The following TENM2 variants were observed in gnomAD, a reference collection of about 807,000 sequenced individuals.
TENM2 encodes the protein teneurin transmembrane protein 2.
TENM2 carries 52 observed loss-of-function variants against 245.2 expected under a neutral mutation model. The ratio of observed to expected loss-of-function variants is 0.21; its 90% CI spans 0.17 to 0.27. TENM2 has a LOEUF of 0.27. Among genes scored for constraint, TENM2 ranks in the 10% least tolerant of loss-of-function variants. The pLI, the probability that TENM2 is intolerant of heterozygous loss-of-function variation, is 1.00. For synonymous variants in TENM2, 1,363 were observed against 1,438.9 expected (o/e 0.95, Z 1.19); for missense variants, 3,046 against 3,666.8 (o/e 0.83, Z 4.37).
At chr5:168,213,711 G>C (rs1762964257) in intron 20 of TENM2, among the ~76,000 whole-genome samples, 1 of 151,988 alleles carries the variant, frequency 6.6e-6, no homozygotes, top group Non-Finnish European at 1.5e-5. Context: ...GCATGCACCT[G>C]TAGTTTCAAC....
the TENM2 span, among the ~76,000 whole-genome samples, chr5:167,039,614 C>CAA: frequency 0.022 from 3,310 of 150,390 alleles, 85 homozygotes; most frequent in African/African-American, 0.065. Flanking sequence ...TGTCAATTAA[C>CAA]AAAAAAAAAT....
chr5:167,957,527 G>A (rs1473773280), intron 4 of TENM2, among the ~76,000 whole-genome samples: 1 of 152,032 alleles, frequency 6.6e-6, no homozygotes, highest in African/African-American at 2.4e-5. Flanking sequence ...TTTTGATTTT[G>A]TTTGCTCTTG....
At chr5:168,039,895 CA>C (rs1562085507) in intron 5 of TENM2, among the ~76,000 whole-genome samples, 1 of 152,008 alleles carries the variant, frequency 6.6e-6, no homozygotes, top group Non-Finnish European at 1.5e-5. Flanking sequence ...TTCCAGGAGA[CA>C]AGGGGAGGGA....
intron 12 of TENM2, among the ~76,000 whole-genome samples, chr5:168,156,972 G>T (rs147057503): frequency 2.0e-5 from 3 of 152,142 alleles, no homozygotes; most frequent in African/African-American, 7.2e-5. Context: ...ATGACAACGG[G>T]CACATTTATT....
rs530883069 is a variant in TENM2 at position 168,142,964 on chromosome 5, C to A, written c.2422+15998C>A. 7.9e-5 allele frequency among the ~76,000 whole-genome samples: 12 copies of A among 152,298 alleles called. No individual in the cohort carries two copies. The South Asian group carries it at 2.5e-3, about 32-fold the overall frequency. ...CATTTAAGATAGAGAAAATGGAGAA[C>A]CACACTGCATCTAAAAATAGTTGGG... On this transcript the variant is annotated intron_variant, in intron 12 of 28. Transcript: ENST00000518659.
chr5:167,746,710 A>AGAGAGAGAGAGAGAGCGAGAGAGAGC (rs761614775), intron 2 of TENM2, among the ~76,000 whole-genome samples: 2 of 144,862 alleles, frequency 1.4e-5, no homozygotes, highest in Non-Finnish European at 3.0e-5. Flanking sequence ...AGAGAGAGAG[A>AGAGAGAGAGAGAGAGCGAGAGAGAGC]GAGAGCTGGA....
At chr5:167,019,745 C>T in the TENM2 span, among the ~76,000 whole-genome samples, 1 of 152,090 alleles carries the variant, frequency 6.6e-6, no homozygotes, top group Admixed American at 6.6e-5. Context: ...GCTGGAATTA[C>T]AGACGTGAGC....
At chr5:167,819,772 AGAG>A (rs1432409818) in intron 2 of TENM2, among the ~76,000 whole-genome samples, 11 of 152,280 alleles carry the variant, frequency 7.2e-5, no homozygotes, top group Admixed American at 3.3e-4. Flanking sequence ...ATTTTGCTGA[AGAG>A]GAGACTTGAG....
intron 2 of TENM2, among the ~76,000 whole-genome samples, chr5:167,514,415 C>T (rs532798637): frequency 6.6e-6 from 1 of 152,286 alleles, no homozygotes; most frequent in South Asian, 2.1e-4. Flanking sequence ...CTATGACAGT[C>T]ATGTTACTAA....
chr5:167,274,525 A>G, the TENM2 span, among the ~76,000 whole-genome samples: 3 of 152,036 alleles, frequency 2.0e-5, no homozygotes, highest in Non-Finnish European at 4.4e-5. Context: ...AACGCCCAGT[A>G]GTACAGTTAC....
the TENM2 span, among the ~76,000 whole-genome samples, chr5:167,033,987 C>T: frequency 3.9e-4 from 59 of 152,206 alleles, no homozygotes; most frequent in African/African-American, 1.2e-3. Flanking sequence ...TTATTTTTCC[C>T]ACTTTAAAAC....
the TENM2 span, among the ~76,000 whole-genome samples, chr5:167,250,026 T>C: frequency 3.9e-5 from 6 of 152,104 alleles, no homozygotes; most frequent in Admixed American, 3.9e-4. Context: ...GCCCAAACAT[T>C]AACTAAAGTG....
chr5:168,066,408 G>A (rs1581204538), intron 7 of TENM2, among the ~76,000 whole-genome samples: 2 of 152,072 alleles, frequency 1.3e-5, no homozygotes, highest in African/African-American at 2.4e-5. Flanking sequence ...AACATAAAAC[G>A]TTATGAGACC....
chr5:167,296,625 A>T (rs1166276207), intron 1 of TENM2: 1 of 152,202 alleles, frequency 6.6e-6, no homozygotes, highest in African/African-American at 2.4e-5. Context: ...GGCCAAACAA[A>T]TCCCTCTCAA....
intron 2 of TENM2, among the ~76,000 whole-genome samples, chr5:167,376,039 C>T (rs1025997493): frequency 6.6e-6 from 1 of 152,118 alleles, no homozygotes; most frequent in Middle Eastern, 3.2e-3. Context: ...CCCTTGGCAA[C>T]TATGTAGGTT....
intron 7 of TENM2, among the ~76,000 whole-genome samples, chr5:168,068,565 T>C (rs1562118375): frequency 6.6e-6 from 1 of 152,176 alleles, no homozygotes; most frequent in Non-Finnish European, 1.5e-5. Context: ...AATATATATG[T>C]GTGGATATAT....
chr5:168,161,897 C>T (rs1757779148), intron 12 of TENM2, among the ~76,000 whole-genome samples: 1 of 152,058 alleles, frequency 6.6e-6, no homozygotes, highest in African/African-American at 2.4e-5. Context: ...CCCCACCACC[C>T]TTCCCCGAGC....
chr5:167,805,930 T>G (rs1438119003), intron 2 of TENM2, among the ~76,000 whole-genome samples: 1 of 152,188 alleles, frequency 6.6e-6, no homozygotes, highest in Non-Finnish European at 1.5e-5. Context: ...GATTTTCATT[T>G]CCTATAAAAT....
At chr5:167,925,070 G>A (rs248141) in intron 3 of TENM2, among the ~76,000 whole-genome samples, 13,553 of 152,206 alleles carry the variant, frequency 0.089, 639 homozygotes, top group Middle Eastern at 0.14. Flanking sequence ...AGATTTATGC[G>A]TGAATGTTCA....
Sources: allele counts gnomAD v4.1 joint callset (sites outside exome capture counted in the v4.1 genomes callset), GRCh38; gene constraint gnomAD v4.1.1; transcripts MANE v1.5; gene names NCBI Gene and HGNC (gene_info 2026-07-23, HGNC 2026-07-21).